Variants in MYH4 observed in about 807,000 individuals in gnomAD.
MYH4 encodes myosin heavy chain 4.
Under a neutral mutation model 229.9 loss-of-function variants are expected in MYH4, and 200 were observed. The observed-to-expected ratio is 0.87, with a 90% CI of 0.78 to 0.98. The LOEUF (loss-of-function observed/expected upper bound fraction) is 0.98, where lower values mean the gene tolerates loss of function less well. Ranked by LOEUF, MYH4 falls within the 50% of genes least tolerant of loss-of-function variation. The pLI is 0.00. For synonymous variants in MYH4, 761 were observed against 834.6 expected (o/e 0.91, Z 1.52); for missense variants, 2,148 against 2,332.6 (o/e 0.92, Z 1.63).
chr17:10,448,189 T>A (rs2072532669), intron 33 of MYH4, 63 bp from the exon 34 acceptor site: 8 of 1,480,622 alleles, frequency 5.4e-6, no homozygotes, highest in Non-Finnish European at 6.3e-6. Context: ...CACATTATGA[T>A]AATTTCCCCA....
rs562400437 is a variant in MYH4, at chr17:10,455,159, G to C, written c.2298+13C>G. ...ATAGAATTATGACAGATAGAAATTT[G>C]GACTGGTGATACCTTGGTATGACCG... On this transcript the variant is annotated intron_variant, in intron 20 of 39. Transcript: ENST00000255381. The C allele has an allele frequency of 1.8e-4, 294 of 1,614,102 alleles. 3 individuals carry two copies. The South Asian group carries it at 3.0e-3, about 16-fold the overall frequency.
chr17:10,449,044 C>A lies in MYH4; in HGVS notation c.4185G>T (p.Lys1395Asn), dbSNP rs749508489. 3.7e-6 allele frequency: 6 copies of A among 1,613,902 alleles called. No homozygotes were observed. Among genetic ancestry groups the A allele is most frequent in the Middle Eastern group, 1.7e-4 (1 of 6,052 alleles). Residue 1395 changes from lysine to asparagine, a missense_variant, in exon 31 of 40, where the codon AAG (lysine) becomes AAT (asparagine). Physicochemically the swap from Lys to Asn is moderately conservative, Grantham distance 94. Coordinates refer to ENST00000255381, the MANE Select transcript of MYH4 (RefSeq NM_017533.2). ...CATCCTGCAGACGCTGGGCTAGCTT[C>A]TTCCTGAAAATTGGGTCAGTATGAG... ...QRTEELEEAKKKLAQRLQDAE... is the reference protein window; with the variant it reads ...QRTEELEEAKNKLAQRLQDAE...
At chr17:10,468,229 C>T (rs1042323854) in intron 2 of MYH4, among the ~76,000 whole-genome samples, 1 of 152,152 alleles carries the variant, frequency 6.6e-6, no homozygotes, top group African/African-American at 2.4e-5. Context: ...ATTAACAACA[C>T]ACTACCACGT....
Position 10,450,786 on chromosome 17 carries a change from C to T in MYH4, c.3975G>A (p.Glu1325=). 1 of 1,613,580 alleles carries T rather than the reference C, an allele frequency of 6.2e-7. No homozygotes were observed. Among genetic ancestry groups the T allele is most frequent in the Non-Finnish European group, 8.5e-7 (1 of 1,179,520 alleles). ...GCTGGAGAATTCTCACCTTAGTCTC[C>T]TCTTCTAGCTGCCTCTTTAATTCTT... ...QIEELKRQLE[E]ETKAKSTLAH... Residue 1325 remains glutamate, a synonymous_variant, in exon 29 of 40, where the codon GAG becomes GAA. Coordinates refer to ENST00000255381, the MANE Select transcript of MYH4 (RefSeq NM_017533.2).
Position 10,447,474 on chromosome 17 carries a change from C to T in MYH4, c.4966-258G>A, listed in dbSNP as rs1390572665. On this transcript the variant is annotated intron_variant, in intron 34 of 39. Coordinates refer to ENST00000255381, the MANE Select transcript of MYH4 (RefSeq NM_017533.2). ...ACAAAATTTTGGATCAGGAAAGTAT[C>T]CTTAGACTTCAGCGAGTCCAGTGGT... 2.6e-4 allele frequency among the ~76,000 whole-genome samples: 39 copies of T among 152,096 alleles called. 1 individual carries two copies. The highest frequency in any genetic ancestry group is 2.5e-3 in the Admixed American group (38 of 15,258).
intron 35 of MYH4, among the ~76,000 whole-genome samples, chr17:10,446,548 A>G (rs2072513708): frequency 6.6e-6 from 1 of 152,214 alleles, no homozygotes. Context: ...ACTATATACA[A>G]CAAATGCTAA....
chr17:10,458,673 G>C (rs574606370), intron 15 of MYH4, among the ~76,000 whole-genome samples: 1 of 152,140 alleles, frequency 6.6e-6, no homozygotes, highest in Non-Finnish European at 1.5e-5. Flanking sequence ...TGCTTGATGA[G>C]TGTTAACATA....
Position 10,445,128 on chromosome 17 carries a change from C to A in MYH4, c.5314G>T (p.Glu1772Ter). The A allele has an allele frequency of 3.7e-6, 6 of 1,614,186 alleles. No homozygotes were observed. Among genetic ancestry groups the A allele is most frequent in the Non-Finnish European group, 5.1e-6 (6 of 1,180,022 alleles). ...CTGGTGTCCTGTTCCTTCTTCAGCT[C>A]CTCAGCCATCATGGCAGCCTAGTTA... ...AITDAAMMAE[E>*]LKKEQDTSAH... The change falls in exon 37 of 40, where the codon GAG becomes TAG. Residue 1772 changes from glutamate to a stop codon, truncating the protein, a stop_gained. Coordinates refer to ENST00000255381, the MANE Select transcript of MYH4 (RefSeq NM_017533.2). LOFTEE classifies it high-confidence loss of function.
rs201920700 is a variant in MYH4, at chr17:10,460,063, G to A, written c.1305C>T (p.Tyr435=). Residue 435 remains tyrosine, a synonymous_variant, in exon 14 of 40, where the codon TAC becomes TAT. Transcript: ENST00000255381. Reference sequence around the variant, plus strand: ...TGACCATCCACAGGAACATCTTCTCGTAGATGGCTTTGGCCAGAGCACCCA... The same window carrying A: ...TGACCATCCACAGGAACATCTTCTCATAGATGGCTTTGGCCAGAGCACCCA... ...NAVGALAKAI[Y]EKMFLWMVTR... is the part of the protein sequence containing the mutation. 3.0e-5 allele frequency: 48 copies of A among 1,614,160 alleles called. 1 individual carries two copies. Among genetic ancestry groups the A allele is most frequent in the South Asian group, 6.6e-5 (6 of 91,082 alleles).
At chr17:10,463,883 C>G (rs2072730744) in intron 7 of MYH4, among the ~76,000 whole-genome samples, 1 of 152,180 alleles carries the variant, frequency 6.6e-6, no homozygotes, top group African/African-American at 2.4e-5. Context: ...AGAATTTTTG[C>G]CTATTATACT....
chr17:10,448,033 C>T lies in MYH4; in HGVS notation c.4750G>A (p.Asp1584Asn), dbSNP rs778362098. The change falls in exon 34 of 40, where the codon GAT becomes AAT. Residue 1584 changes from aspartate (D) to asparagine (N), a missense_variant. By Grantham distance (23) the Asp-to-Asn change is conservative. Transcript: ENST00000255381. ...SEIDRKIAEK[D>N]EELDQLKRNH... ...CTCTTTAGCTGATCGAGTTCTTCAT[C>T]TTTTTCAGCAATTTTTCGGTCAATC... The T allele has an allele frequency of 1.2e-6, 2 of 1,614,016 alleles. No individual in the cohort carries two copies. The highest frequency in any genetic ancestry group is 4.5e-5 in the East Asian group (2 of 44,860).
At chr17:10,464,195 T>C (rs1038029393) in intron 7 of MYH4, among the ~76,000 whole-genome samples, 2 of 152,086 alleles carry the variant, frequency 1.3e-5, no homozygotes, top group Non-Finnish European at 2.9e-5. Flanking sequence ...TAGTCTCCAG[T>C]GTCTATTCTT....
intron 30 of MYH4, 77 bp downstream of exon 30, chr17:10,450,376 A>T: frequency 1.2e-6 from 2 of 1,601,042 alleles, no homozygotes; most frequent in Non-Finnish European, 1.7e-6. Context: ...CAAGCCCGGA[A>T]TATTCTCTTT....
At chr17:10,463,052 T>C in intron 10 of MYH4, 38 bp downstream of exon 10, 1 of 1,592,652 alleles carries the variant, frequency 6.3e-7, no homozygotes, top group African/African-American at 1.3e-5. Context: ...AGAAGGGCTG[T>C]TATTCTTTGG....
intron 33 of MYH4, 60 bp from the exon 34 acceptor site, chr17:10,448,186 T>C (rs927012870): frequency 1.3e-6 from 2 of 1,488,120 alleles, no homozygotes; most frequent in African/African-American, 2.8e-5. Flanking sequence ...TTTCACATTA[T>C]GATAATTTCC....
chr17:10,443,556 A>G lies in MYH4; in HGVS notation c.5668-29T>C, dbSNP rs774646745. Reference sequence around the variant, plus strand: ...AGAACAGAGATGCATTTGAGATAACAAGAAAATTGGACATTTCCTGATTGT... The same window carrying G: ...AGAACAGAGATGCATTTGAGATAACGAGAAAATTGGACATTTCCTGATTGT... On this transcript the variant is annotated intron_variant, in intron 39 of 39. Coordinates refer to ENST00000255381, the MANE Select transcript of MYH4 (RefSeq NM_017533.2). This position sits in a 1 kb window ranked among gnomAD's most constrained non-coding sequence, Gnocchi z 4.6. 3.8e-6 allele frequency: 6 copies of G among 1,589,874 alleles called. No individual in the cohort carries two copies. The highest frequency in any genetic ancestry group is 5.1e-6 in the Non-Finnish European group (6 of 1,166,044).
At chr17:10,457,277 A>C (rs1167105571) in intron 16 of MYH4, 143 bp downstream of exon 16, 1 of 922,786 alleles carries the variant, frequency 1.1e-6, no homozygotes, top group Non-Finnish European at 1.6e-6. Context: ...ACTGTATCAC[A>C]GTTATTAAAT....
At chr17:10,459,907 CAA>C in intron 14 of MYH4, 43 bp downstream of exon 14, 1 of 1,613,210 alleles carries the variant, frequency 6.2e-7, no homozygotes, top group Non-Finnish European at 8.5e-7. Flanking sequence ...TATGCTCTAA[CAA>C]GAGGATTTGC....
Position 10,459,549 on chromosome 17 carries a change from C to T in MYH4, c.1417-128G>A, listed in dbSNP as rs1277929860. Reference sequence around the variant, plus strand: ...AATTATAAACCTTCAGATTGTTTTCCTATTATATAGTTCTAAACAAAGTAG... The same window carrying T: ...AATTATAAACCTTCAGATTGTTTTCTTATTATATAGTTCTAAACAAAGTAG... On this transcript the variant is annotated intron_variant, in intron 14 of 39. Coordinates refer to ENST00000255381, the MANE Select transcript of MYH4 (RefSeq NM_017533.2). 8.8e-6 allele frequency: 13 copies of T among 1,481,430 alleles called. No individual in the cohort carries two copies. In the Admixed American group the frequency reaches 2.3e-4, roughly 26 times the overall value. 91.8% of individuals were successfully genotyped at this position (1,481,430 alleles called of 1,614,324 possible). A position where few individuals can be genotyped will look rare whatever the true frequency, so the allele number is the denominator to read the frequency against.
Sources: allele counts gnomAD v4.1 joint callset (sites outside exome capture counted in the v4.1 genomes callset), GRCh38; gene constraint gnomAD v4.1.1; non-coding constraint Gnocchi (gnomAD v3.1); transcripts MANE v1.5; gene names NCBI Gene and HGNC (gene_info 2026-07-23, HGNC 2026-07-21).